ZNF708: variants seen among roughly 807,000 people sequenced by gnomAD.
ZNF708 encodes the protein zinc finger protein 708, also known as ZNF15, ZNF15L1.
ZNF708 carries 44 observed loss-of-function variants against 47.0 expected under a neutral mutation model. That is an observed-to-expected ratio of 0.94 (90% CI 0.74 to 1.20). The LOEUF is 1.20. Among genes scored for constraint, ZNF708 ranks in the 50% most tolerant of loss-of-function variants. The pLI, the probability that ZNF708 is intolerant of heterozygous loss-of-function variation, is 0.00. For missense variants in ZNF708, 557 were observed against 656.0 expected, an observed-to-expected ratio of 0.85 and a Z score of 1.65; for synonymous variants, 184 against 218.5, an observed-to-expected ratio of 0.84 and a Z score of 1.39.
intron 3 of ZNF708, among the ~76,000 whole-genome samples, chr19:21,300,986 C>A (rs1626404): frequency 0.16 from 24,100 of 151,828 alleles, 2,216 homozygotes; most frequent in Non-Finnish European, 0.21. Context: ...AATACAAACT[C>A]AAATATCAAA....
chr19:21,312,612 C>T (rs1465741266), intron 1 of ZNF708, among the ~76,000 whole-genome samples: 1 of 152,218 alleles, frequency 6.6e-6, no homozygotes, highest in Non-Finnish European at 1.5e-5. Flanking sequence ...CATTGCCTCT[C>T]AAGCTTTAGT....
At chr19:21,298,763 AC>A (rs1306103978) in intron 3 of ZNF708, among the ~76,000 whole-genome samples, 1 of 152,214 alleles carries the variant, frequency 6.6e-6, no homozygotes, top group Non-Finnish European at 1.5e-5. Flanking sequence ...TCATTTGCTT[AC>A]CCATAATTAT....
At position 21,321,013 on chromosome 19, in the gene ZNF708, C is replaced by T. The variant is rs564886535; in HGVS notation, c.3+8197G>A. Among the ~76,000 whole-genome samples, 40 of 151,606 alleles carry T rather than the reference C, an allele frequency of 2.6e-4. 1 individual carries two copies. Among genetic ancestry groups the T allele is most frequent in the Admixed American group, 1.3e-3 (20 of 15,198 alleles). ...AAAATTAGCTGGGCGTGGTGGCGGG[C>T]GCCTGTAGTACCAGCTACTGTGGAG... is the stretch of plus-strand genomic sequence containing the variant. On this transcript the variant is annotated intron_variant, in intron 1 of 3. Transcript: ENST00000356929.
At chr19:21,315,009 G>C (rs1454286874) in intron 1 of ZNF708, among the ~76,000 whole-genome samples, 1 of 152,136 alleles carries the variant, frequency 6.6e-6, no homozygotes, top group Non-Finnish European at 1.5e-5. Flanking sequence ...AGAATTACTT[G>C]TTCTGATTAA....
chr19:21,326,034 A>C (rs1027485508), intron 1 of ZNF708, among the ~76,000 whole-genome samples: 30 of 152,250 alleles, frequency 2.0e-4, no homozygotes, highest in African/African-American at 7.2e-4. Context: ...CTCCTGCAAG[A>C]ATGGCCATGA....
intron 1 of ZNF708, among the ~76,000 whole-genome samples, chr19:21,321,530 C>G (rs760264902): frequency 6.8e-6 from 1 of 146,706 alleles, no homozygotes; most frequent in African/African-American, 2.5e-5. Flanking sequence ...TGCAGTGAGC[C>G]AAGATCATGC....
chr19:21,322,461 C>T (rs1568355450), intron 1 of ZNF708, among the ~76,000 whole-genome samples: 1 of 151,998 alleles, frequency 6.6e-6, no homozygotes, highest in East Asian at 1.9e-4. Flanking sequence ...ACCACCATGC[C>T]CAGCTTATTT....
rs146316879 is a variant in ZNF708 at position 21,293,959 on chromosome 19, T to G, written c.1007A>C (p.Tyr336Ser). 23 of 1,613,468 alleles carry G rather than the reference T, an allele frequency of 1.4e-5. No individual in the cohort carries two copies. In the African/African-American group the frequency reaches 1.9e-4, roughly 13 times the overall value. The change falls in exon 4 of 4, where the codon TAC (tyrosine) becomes TCC (serine). Residue 336 changes from tyrosine (Y) to serine (S), a missense_variant. By Grantham distance (144) the Tyr-to-Ser change is moderately radical (BLOSUM62 -2). Coordinates refer to ENST00000356929, the MANE Select transcript of ZNF708 (RefSeq NM_021269.3). ...HKRIHTGEKP[Y>S]KCEECGKAFS... ...AGCTTTGCCACATTCTTCACATTTG[T>G]AGGGTTTCTCACCAGTATGAATCCT... is the stretch of plus-strand genomic sequence containing the variant.
At chr19:21,315,640 A>AT (rs1434887204) in intron 1 of ZNF708, among the ~76,000 whole-genome samples, 12 of 152,274 alleles carry the variant, frequency 7.9e-5, no homozygotes, top group African/African-American at 2.6e-4. Context: ...TTACAATTGG[A>AT]TTGGAAAGAC....
At chr19:21,319,575 G>A (rs974015563) in intron 1 of ZNF708, among the ~76,000 whole-genome samples, 6 of 151,728 alleles carry the variant, frequency 4.0e-5, no homozygotes, top group South Asian at 2.1e-4. Flanking sequence ...ATCAACCTCC[G>A]GAGTAGCTGG....
At chr19:21,317,835 T>G (rs1364991074) in intron 1 of ZNF708, among the ~76,000 whole-genome samples, 2 of 152,140 alleles carry the variant, frequency 1.3e-5, no homozygotes, top group Non-Finnish European at 2.9e-5. Flanking sequence ...AAAATAAACT[T>G]TTCACATCTT....
intron 2 of ZNF708, 100 bp from the exon 3 acceptor site, chr19:21,309,441 C>T: frequency 2.6e-6 from 3 of 1,162,022 alleles, no homozygotes; most frequent in Admixed American, 5.2e-5. Flanking sequence ...GGCACAGTGG[C>T]TCATCCTGGT....
intron 1 of ZNF708, among the ~76,000 whole-genome samples, chr19:21,317,997 C>T (rs1973050278): frequency 6.6e-6 from 1 of 152,172 alleles, no homozygotes; most frequent in Non-Finnish European, 1.5e-5. Flanking sequence ...TCAGCTACAG[C>T]ACTCCTGCTT....
In ZNF708 at chr19:21,293,221, G is replaced by T; in HGVS notation, c.*53C>A. The T allele has an allele frequency of 6.4e-7, 1 of 1,558,958 alleles. No homozygotes were observed. The highest frequency in any genetic ancestry group is 1.2e-5 in the South Asian group (1 of 84,934). Reference sequence around the variant, plus strand: ...CATTTGTAGGATTTCTCTCCAGTATGAATTATCTTGTGTTTTAATAAAAGT... The same window carrying T: ...CATTTGTAGGATTTCTCTCCAGTATTAATTATCTTGTGTTTTAATAAAAGT... On this transcript the variant is annotated 3_prime_UTR_variant, in exon 4 of 4. Transcript: ENST00000356929.
chr19:21,298,774 T>C (rs1171484278), intron 3 of ZNF708, among the ~76,000 whole-genome samples: 1 of 152,238 alleles, frequency 6.6e-6, no homozygotes, highest in Non-Finnish European at 1.5e-5. Context: ...CCCATAATTA[T>C]TGCAGCACTG....
chr19:21,302,660 T>C (rs1972683593), intron 3 of ZNF708, among the ~76,000 whole-genome samples: 1 of 151,836 alleles, frequency 6.6e-6, no homozygotes, highest in African/African-American at 2.4e-5. Flanking sequence ...GATCATGCCA[T>C]TGCACTCCAG....
chr19:21,293,939 T>C lies in ZNF708; in HGVS notation c.1027A>G (p.Lys343Glu), dbSNP rs758442255. 1.9e-5 allele frequency: 30 copies of C among 1,613,360 alleles called. No homozygotes were observed. In the South Asian group the frequency reaches 2.6e-4, roughly 14 times the overall value. The change falls in exon 4 of 4, where the codon AAA (lysine) becomes GAA (glutamate). Residue 343 changes from lysine to glutamate, a missense_variant. By Grantham distance (56) the Lys-to-Glu change is moderately conservative. Transcript: ENST00000356929. ...EKPYKCEECG[K>E]AFSVFSTLTK... is the part of the protein sequence containing the mutation. ...AGGGTTGAAAATACACTAAAAGCTT[T>C]GCCACATTCTTCACATTTGTAGGGT...
intron 3 of ZNF708, among the ~76,000 whole-genome samples, chr19:21,302,133 G>T (rs1388601119): frequency 6.6e-6 from 1 of 151,742 alleles, no homozygotes; most frequent in Non-Finnish European, 1.5e-5. Context: ...CCATTTTTTT[G>T]AAAATTAAAA....
chr19:21,326,918 G>C (rs542518524), intron 1 of ZNF708, among the ~76,000 whole-genome samples: 5 of 152,074 alleles, frequency 3.3e-5, no homozygotes, highest in African/African-American at 7.2e-5. Flanking sequence ...TGGGCAACAA[G>C]AGCAAGAGTC....
Sources: gnomAD v4.1 joint callset for allele counts (sites outside exome capture counted in the v4.1 genomes callset) on GRCh38, gnomAD v4.1.1 for gene constraint, MANE v1.5 for transcripts, NCBI Gene and HGNC (gene_info 2026-07-23, HGNC 2026-07-21) for gene names.